CR1: variants seen among roughly 807,000 people sequenced by gnomAD.
CR1 encodes complement receptor type 1.
Under a neutral mutation model 187.3 loss-of-function variants are expected in CR1, and 116 were observed. The ratio of observed to expected loss-of-function variants is 0.62; its 90% CI spans 0.53 to 0.72. The LOEUF is 0.72. Ranked by LOEUF, CR1 falls within the 30% of genes least tolerant of loss-of-function variation. CR1 has a pLI of 0.00. For missense variants in CR1, 1,731 were observed against 2,110.7 expected (o/e 0.82, Z 3.52); for synonymous variants, 576 against 747.1 (o/e 0.77, Z 3.73).
intron 1 of CR1, among the ~76,000 whole-genome samples, chr1:207,501,443 G>A (rs74151020): frequency 0.022 from 3,334 of 152,168 alleles, 130 homozygotes; most frequent in African/African-American, 0.076. Context: ...ATTATGGTAG[G>A]TCTTCAGTTT....
intron 24 of CR1, among the ~76,000 whole-genome samples, 200 bp from the exon 25 acceptor site, chr1:207,567,624 G>T (rs1398981447): frequency 6.7e-6 from 1 of 150,340 alleles, no homozygotes; most frequent in Non-Finnish European, 1.5e-5. Flanking sequence ...CTATCCGGAA[G>T]ATTCAGGATA....
Position 207,639,502 on chromosome 1 carries a change from A to T in CR1, c.*93A>T. 7.9e-7 allele frequency: 1 copy of T among 1,260,620 alleles called. No individual in the cohort carries two copies. The highest frequency in any genetic ancestry group is 1.1e-6 in the Non-Finnish European group (1 of 888,392). The allele number at this position is 1,260,620 out of a possible 1,614,324, so 78.1% of individuals were successfully genotyped here. A position where few individuals can be genotyped will look rare whatever the true frequency, so the allele number is the denominator to read the frequency against. ...ACAGAATCAGATCTGAGCTTCATAAAGTCTTTGAAGTGACTTCACAGAGAC... is the reference window on the plus strand; with the variant it reads ...ACAGAATCAGATCTGAGCTTCATAATGTCTTTGAAGTGACTTCACAGAGAC... On this transcript the variant is annotated 3_prime_UTR_variant, in exon 47 of 47. Coordinates refer to ENST00000367049, the MANE Select transcript of CR1 (RefSeq NM_000651.6).
chr1:207,564,447 A>C (rs1183747928), intron 23 of CR1, among the ~76,000 whole-genome samples: 1 of 150,122 alleles, frequency 6.7e-6, no homozygotes, highest in Non-Finnish European at 1.5e-5. Context: ...ACATATATTA[A>C]CTGGCAAGTT....
rs202206679 is a variant in CR1 at position 207,505,883 on chromosome 1, T to G, written c.122-21T>G. The G allele has an allele frequency of 1.2e-4, 190 of 1,596,340 alleles. No individual in the cohort carries two copies. In the African/African-American group the frequency reaches 2.3e-3, roughly 19 times the overall value. On this transcript the variant is annotated intron_variant, in intron 1 of 46. Transcript: ENST00000367049. ...GTAATTTCTCCATTAACTTTGATGC[T>G]TCTATGGTCTTGATCTCCAGGTCAA...
chr1:207,592,573 T>C (rs1302539006), intron 35 of CR1, among the ~76,000 whole-genome samples: 1 of 152,072 alleles, frequency 6.6e-6, no homozygotes, highest in Non-Finnish European at 1.5e-5. Flanking sequence ...CTATTCAACA[T>C]AGTATTGGAA....
At chr1:207,596,041 A>ATATATC in intron 35 of CR1, among the ~76,000 whole-genome samples, 1 of 142,016 alleles carries the variant, frequency 7.0e-6, no homozygotes, top group Non-Finnish European at 1.5e-5. Flanking sequence ...TATAAAATCT[A>ATATATC]TATATCTATA....
chr1:207,524,550 A>C (rs968770652), intron 5 of CR1, among the ~76,000 whole-genome samples: 2 of 151,886 alleles, frequency 1.3e-5, no homozygotes, highest in Non-Finnish European at 2.9e-5. Flanking sequence ...TGCCTGGATA[A>C]GTTTTTTATA....
chr1:207,498,829 G>A (rs2102328373), intron 1 of CR1, among the ~76,000 whole-genome samples: 1 of 122,828 alleles, frequency 8.1e-6, no homozygotes, highest in African/African-American at 3.0e-5. Flanking sequence ...AGTGAGTCGA[G>A]ATCGTGCCAT....
At chr1:207,612,833 G>A (rs901596580) in intron 39 of CR1, among the ~76,000 whole-genome samples, 1 of 152,230 alleles carries the variant, frequency 6.6e-6, no homozygotes, top group African/African-American at 2.4e-5. Flanking sequence ...TCGCACTGAA[G>A]GGAACGTGGT....
intron 4 of CR1, among the ~76,000 whole-genome samples, chr1:207,520,289 G>A (rs368344378): frequency 1.3e-5 from 2 of 152,224 alleles, no homozygotes; most frequent in East Asian, 1.9e-4. Flanking sequence ...GGGACAGCTA[G>A]ATAAAACCTA....
chr1:207,581,370 G>T (rs139741402), intron 31 of CR1, among the ~76,000 whole-genome samples: 1 of 132,208 alleles, frequency 7.6e-6, no homozygotes, highest in Non-Finnish European at 1.5e-5. Flanking sequence ...ATATGTATAC[G>T]TATATGTATA....
intron 35 of CR1, chr1:207,606,325 A>G (rs559393477): frequency 6.6e-6 from 1 of 152,328 alleles, no homozygotes; most frequent in East Asian, 1.9e-4. Flanking sequence ...GAAAGGTGAG[A>G]AGTGAAACCT....
Position 207,639,581 on chromosome 1 carries a change from CT to C in CR1, c.*173del, listed in dbSNP as rs1662918824. 1 of 616,240 alleles carries C rather than the reference CT, an allele frequency of 1.6e-6. No homozygotes were observed. Among genetic ancestry groups the C allele is most frequent in the African/African-American group, 1.8e-5 (1 of 54,314 alleles). The allele number at this position is 616,240 out of a possible 1,614,324, so 38.2% of individuals were successfully genotyped here. ...CCTTCCCTGGTACCTAGCAAAGCTC[CT>C]GCCTCTTTGTGTGCGTCACTGTGAA... is the stretch of plus-strand genomic sequence containing the variant. On this transcript the variant is annotated 3_prime_UTR_variant, in exon 47 of 47. Transcript: ENST00000367049.
At chr1:207,600,691 C>T (rs1180618861) in intron 35 of CR1, 1 of 152,116 alleles carries the variant, frequency 6.6e-6, no homozygotes, top group Non-Finnish European at 1.5e-5. Context: ...AAGTCCTTTA[C>T]TTGAATTGAT....
At chr1:207,590,082 G>T (rs1244771199) in intron 35 of CR1, among the ~76,000 whole-genome samples, 3 of 152,086 alleles carry the variant, frequency 2.0e-5, no homozygotes, top group Non-Finnish European at 4.4e-5. Flanking sequence ...AGACAGTCCA[G>T]CATTCAAATT....
chr1:207,618,297 A>C, intron 42 of CR1, 50 bp downstream of exon 42: 2 of 1,551,092 alleles, frequency 1.3e-6, no homozygotes, highest in South Asian at 1.2e-5. Context: ...TATGGAATGC[A>C]TGAGGCTTGT....
In CR1 at chr1:207,506,081, G is replaced by A. The variant is rs1322506903; in HGVS notation, c.299G>A (p.Arg100Lys). 5 of 1,613,032 alleles carry A rather than the reference G, an allele frequency of 3.1e-6. No homozygotes were observed. The highest frequency in any genetic ancestry group is 4.2e-6 in the Non-Finnish European group (5 of 1,179,646). The part of the protein sequence containing the change: ...SVWTGAKDRC[R>K]RKSCRNPPDP... ...TGGACTGGTGCTAAGGACAGGTGCA[G>A]ACGTAAGTAACTCTGGAGTGGGAAC... Residue 100 changes from arginine to lysine, a missense_variant and splice_region_variant, in exon 2 of 47, where the codon AGA (arginine) becomes AAA (lysine). Physicochemically the swap from Arg to Lys is conservative, Grantham distance 26. This residue lies in a region of CR1 where 237 missense variants were observed against 240.4 expected (regional missense o/e 0.99). Transcript: ENST00000367049.
At chr1:207,499,727 T>A (rs1362189350) in intron 1 of CR1, among the ~76,000 whole-genome samples, 2 of 152,334 alleles carry the variant, frequency 1.3e-5, no homozygotes, top group East Asian at 3.9e-4. Context: ...GGTTTGGTTA[T>A]CCCTGCTAGG....
chr1:207,507,626 C>T lies in CR1; in HGVS notation c.401+813C>T, dbSNP rs543723747. The T allele has an allele frequency of 3.3e-5, 5 of 152,314 alleles. No homozygotes were observed. The South Asian group carries it at 1.0e-3, about 32-fold the overall frequency. 9.4% of individuals were successfully genotyped at this position (152,314 alleles called of 1,614,324 possible). ...TAATAAGCACTGGGGATTAAGACAT[C>T]AATATATTTCGGGGTAAGGGGGACA... is the stretch of plus-strand genomic sequence containing the variant. On this transcript the variant is annotated intron_variant, in intron 3 of 46. Coordinates refer to ENST00000367049, the MANE Select transcript of CR1 (RefSeq NM_000651.6).
Sources: gnomAD v4.1 joint callset for allele counts (sites outside exome capture counted in the v4.1 genomes callset) on GRCh38, gnomAD v4.1.1 for gene constraint, gnomAD v4.1.1 regional missense constraint, MANE v1.5 for transcripts, NCBI Gene and HGNC (gene_info 2026-07-23, HGNC 2026-07-21) for gene names.